PPP2R2B: variants seen among roughly 807,000 people sequenced by gnomAD.
PPP2R2B encodes the protein serine/threonine-protein phosphatase 2A 55 kDa regulatory subunit B beta isoform.
Under a neutral mutation model 46.0 loss-of-function variants are expected in PPP2R2B, and 5 were observed. The ratio of observed to expected loss-of-function variants is 0.11; its 90% CI spans 0.06 to 0.23. The LOEUF (loss-of-function observed/expected upper bound fraction) is 0.23, where lower values mean the gene tolerates loss of function less well. PPP2R2B is among the 10% of genes least tolerant of loss of function. The pLI, the probability that PPP2R2B is intolerant of heterozygous loss-of-function variation, is 1.00. For missense variants in PPP2R2B, 367 were observed against 575.0 expected (o/e 0.64, Z 3.70); for synonymous variants, 215 against 206.7 (o/e 1.04, Z -0.34).
At chr5:146,824,829 C>A (rs1246306606) in intron 2 of PPP2R2B, among the ~76,000 whole-genome samples, 1 of 151,438 alleles carries the variant, frequency 6.6e-6, no homozygotes, top group African/African-American at 2.4e-5. Flanking sequence ...ATGATTCTTC[C>A]ACCTCAGCCT....
intron 2 of PPP2R2B, among the ~76,000 whole-genome samples, chr5:146,752,027 C>T (rs1399842968): frequency 2.0e-5 from 3 of 151,914 alleles, no homozygotes; most frequent in South Asian, 4.2e-4. Flanking sequence ...TGGCTTTTAC[C>T]CTCAGTGTAA....
chr5:146,967,431 C>T (rs1162643515), intron 1 of PPP2R2B, among the ~76,000 whole-genome samples: 1 of 152,134 alleles, frequency 6.6e-6, no homozygotes, highest in African/African-American at 2.4e-5. Context: ...AAATAGGTTC[C>T]ATTGATATTA....
At chr5:146,908,189 C>G (rs1178871989) in intron 1 of PPP2R2B, among the ~76,000 whole-genome samples, 2 of 152,190 alleles carry the variant, frequency 1.3e-5, no homozygotes, top group African/African-American at 4.8e-5. Flanking sequence ...GAGGGAAACA[C>G]TTCTGTGATA....
intron 2 of PPP2R2B, among the ~76,000 whole-genome samples, chr5:146,726,621 T>C (rs1414825375): frequency 1.3e-5 from 2 of 152,210 alleles, no homozygotes; most frequent in African/African-American, 4.8e-5. Context: ...GTAACTTGCC[T>C]AACATCCTAA....
At chr5:146,967,226 T>A (rs1272576383) in intron 1 of PPP2R2B, among the ~76,000 whole-genome samples, 2 of 152,224 alleles carry the variant, frequency 1.3e-5, no homozygotes, top group African/African-American at 4.8e-5. Flanking sequence ...TGAGTTTTGG[T>A]TAAGCCTTTG....
At position 146,790,715 on chromosome 5, in the gene PPP2R2B, C is replaced by A. The variant is rs1026593827; in HGVS notation, c.70+87287G>T. On this transcript the variant is annotated intron_variant, in intron 2 of 9. Transcript: ENST00000394411. ...ATCCACCTGTGATAAACCTCACACTCTCCTTCTCTTGCCTCAGACACCTAG... is the reference window on the plus strand; with the variant it reads ...ATCCACCTGTGATAAACCTCACACTATCCTTCTCTTGCCTCAGACACCTAG... Among the ~76,000 whole-genome samples the A allele has an allele frequency of 2.6e-5, 4 of 152,214 alleles. No individual in the cohort carries two copies. In the East Asian group the frequency reaches 7.7e-4, roughly 29 times the overall value.
rs1223828568 is a variant in PPP2R2B at position 146,812,789 on chromosome 5, G to GTATATATATATA, written c.70+65212_70+65213insTATATATATATA. 6.2e-4 allele frequency among the ~76,000 whole-genome samples: 4 copies of GTATATATATATA among 6,414 alleles called. 1 individual carries two copies. The highest frequency in any genetic ancestry group is 8.5e-4 in the Non-Finnish European group (3 of 3,526). The allele number at this position is 6,414 out of a possible 152,430, so 4.2% of individuals were successfully genotyped here. ...ACTTAATGTGTGTGTGTGTGTATAT[G>GTATATATATATA]TGTGTATATATATATATATATATAT... On this transcript the variant is annotated intron_variant, in intron 2 of 9. Coordinates refer to ENST00000394411, the MANE Select transcript of PPP2R2B (RefSeq NM_181675.4).
upstream of PPP2R2B, chr5:147,056,203 T>C: frequency 1.2e-5 from 10 of 845,716 alleles, no homozygotes; most frequent in Non-Finnish European, 1.4e-5. Context: ...AAAGACAGCA[T>C]AGTGTTCTGC....
chr5:146,832,261 A>G (rs1397179668), intron 2 of PPP2R2B, among the ~76,000 whole-genome samples: 2 of 152,148 alleles, frequency 1.3e-5, no homozygotes, highest in African/African-American at 4.8e-5. Flanking sequence ...GCAGTGTACA[A>G]TAATGTCCTT....
At chr5:147,048,816 C>T (rs940181500) in intron 1 of PPP2R2B, among the ~76,000 whole-genome samples, 1 of 152,156 alleles carries the variant, frequency 6.6e-6, no homozygotes, top group African/African-American at 2.4e-5. Context: ...TTCACTCATA[C>T]ATTCGTGCTT....
At chr5:147,079,434 TTATATATATACATATATA>T (rs1158490651) in intron 2 of PPP2R2B, among the ~76,000 whole-genome samples, 2 of 80,966 alleles carry the variant, frequency 2.5e-5, no homozygotes, top group Admixed American at 4.0e-4. Context: ...CACACACATT[TTATATATATACATATATA>T]TATATATATA....
At chr5:146,625,259 C>T (rs779403801) in intron 7 of PPP2R2B, among the ~76,000 whole-genome samples, 20 of 152,056 alleles carry the variant, frequency 1.3e-4, no homozygotes, top group Admixed American at 3.9e-4. Flanking sequence ...CCTAGGAATG[C>T]GATTTAATTT....
At chr5:146,945,856 G>A (rs759553407) in intron 1 of PPP2R2B, among the ~76,000 whole-genome samples, 9 of 152,162 alleles carry the variant, frequency 5.9e-5, no homozygotes, top group Non-Finnish European at 1.2e-4. Context: ...AATGAGCTGA[G>A]ACACGTGTCA....
intron 1 of PPP2R2B, among the ~76,000 whole-genome samples, chr5:146,937,895 G>A (rs1050217418): frequency 6.6e-6 from 1 of 152,118 alleles, no homozygotes; most frequent in Non-Finnish European, 1.5e-5. Context: ...TTTTTATGCA[G>A]TGACCTTCCT....
intron 2 of PPP2R2B, among the ~76,000 whole-genome samples, chr5:146,789,317 T>C (rs1756042790): frequency 6.6e-6 from 1 of 152,144 alleles, no homozygotes. Flanking sequence ...ACCCTTTCAG[T>C]CTCTCCATAA....
At chr5:146,878,898 C>T, upstream of PPP2R2B, 1 of 1,148,730 alleles carries the variant, frequency 8.7e-7, no homozygotes. This position sits in a 1 kb window ranked among gnomAD's most constrained non-coding sequence, Gnocchi z 4.5. Flanking sequence ...CGCATGCAGC[C>T]GCGAATCGGC....
At chr5:146,832,068 G>C (rs964905410) in intron 2 of PPP2R2B, among the ~76,000 whole-genome samples, 3 of 152,080 alleles carry the variant, frequency 2.0e-5, no homozygotes, top group Admixed American at 2.0e-4. Flanking sequence ...TATACAGAAA[G>C]ATAAAAATTT....
chr5:147,009,898 C>CACACATATAT (rs781463815), intron 1 of PPP2R2B, among the ~76,000 whole-genome samples: 2 of 145,520 alleles, frequency 1.4e-5, no homozygotes, highest in African/African-American at 5.2e-5. Context: ...CACACACACA[C>CACACATATAT]ATATATATAT....
At chr5:146,836,610 G>T (rs1486414805) in intron 2 of PPP2R2B, among the ~76,000 whole-genome samples, 1 of 152,146 alleles carries the variant, frequency 6.6e-6, no homozygotes, top group East Asian at 1.9e-4. Context: ...GAGACTTTGA[G>T]GTTCTGTGGC....
Sources: gnomAD v4.1 joint callset for allele counts (sites outside exome capture counted in the v4.1 genomes callset) on GRCh38, gnomAD v4.1.1 for gene constraint, Gnocchi (gnomAD v3.1) non-coding constraint, MANE v1.5 for transcripts, NCBI Gene and HGNC (gene_info 2026-07-23, HGNC 2026-07-21) for gene names.